GRIK1: variants seen among roughly 807,000 people sequenced by gnomAD.
GRIK1 encodes glutamate receptor ionotropic, kainate 1.
Under a neutral mutation model 105.7 loss-of-function variants are expected in GRIK1, and 69 were observed. The ratio of observed to expected loss-of-function variants is 0.65; its 90% CI spans 0.54 to 0.80. GRIK1 has a LOEUF of 0.80. Among genes scored for constraint, GRIK1 ranks in the 30% least tolerant of loss-of-function variants. The pLI, the probability that GRIK1 is intolerant of heterozygous loss-of-function variation, is 0.00. For synonymous variants in GRIK1, 438 were observed against 431.3 expected (o/e 1.02, Z -0.19); for missense variants, 1,109 against 1,167.3 (o/e 0.95, Z 0.73).
At chr21:29,782,712 T>G (rs1003935280) in intron 1 of GRIK1, among the ~76,000 whole-genome samples, 1 of 152,226 alleles carries the variant, frequency 6.6e-6, no homozygotes, top group Non-Finnish European at 1.5e-5. Flanking sequence ...TTGAAACTAG[T>G]TTTTCCTAAC....
chr21:29,870,335 A>G (rs753637032), intron 1 of GRIK1, among the ~76,000 whole-genome samples: 12 of 152,136 alleles, frequency 7.9e-5, no homozygotes, highest in Non-Finnish European at 1.3e-4. Flanking sequence ...TAGGCCCAAC[A>G]GCAGGAACAA....
intron 1 of GRIK1, among the ~76,000 whole-genome samples, chr21:29,702,894 T>C (rs2063839214): frequency 6.6e-6 from 1 of 152,052 alleles, no homozygotes; most frequent in Admixed American, 6.6e-5. Context: ...TGGGGATCTG[T>C]GAGAGAGTAA....
intron 1 of GRIK1, among the ~76,000 whole-genome samples, chr21:29,905,756 A>T (rs931035535): frequency 1.4e-5 from 2 of 144,358 alleles, no homozygotes; most frequent in Non-Finnish European, 3.0e-5. Context: ...CCTCCGAAGT[A>T]GCTGGGACTA....
intron 1 of GRIK1, among the ~76,000 whole-genome samples, chr21:29,794,472 T>G (rs1325137270): frequency 1.3e-5 from 2 of 152,204 alleles, no homozygotes; most frequent in East Asian, 3.8e-4. Flanking sequence ...TACTTTGGGT[T>G]TACAGTCAGC....
chr21:29,780,740 C>G (rs1184217178), intron 1 of GRIK1, among the ~76,000 whole-genome samples: 1 of 152,190 alleles, frequency 6.6e-6, no homozygotes, highest in Non-Finnish European at 1.5e-5. Context: ...GCAGAAGAAG[C>G]ACCTTATGGA....
chr21:29,868,399 C>T (rs903993246), intron 1 of GRIK1, among the ~76,000 whole-genome samples: 3 of 152,096 alleles, frequency 2.0e-5, no homozygotes. Context: ...TCTTTTCAGG[C>T]CCCATTTTGA....
intron 14 of GRIK1, among the ~76,000 whole-genome samples, chr21:29,563,345 G>C (rs139289893): frequency 8.5e-5 from 13 of 152,162 alleles, no homozygotes; most frequent in Admixed American, 8.5e-4. Context: ...ATGAGTTAGG[G>C]GAGGACAGAT....
chr21:29,849,541 A>G (rs1425489563), intron 1 of GRIK1, among the ~76,000 whole-genome samples: 1 of 152,196 alleles, frequency 6.6e-6, no homozygotes, highest in Non-Finnish European at 1.5e-5. Flanking sequence ...GTTCTTATGT[A>G]CTACTTCATT....
chr21:29,579,995 A>G (rs202013408), intron 13 of GRIK1, among the ~76,000 whole-genome samples: 314 of 117,512 alleles, frequency 2.7e-3, no homozygotes, highest in Admixed American at 3.8e-3. Context: ...GTGTATATAT[A>G]TGTATATATA....
At chr21:29,784,886 GTCTGATGTTA>G (rs2066217804) in intron 1 of GRIK1, among the ~76,000 whole-genome samples, 1 of 152,218 alleles carries the variant, frequency 6.6e-6, no homozygotes, top group Admixed American at 6.5e-5. Context: ...TGCCCAAGCT[GTCTGATGTTA>G]TCTCAAGGGG....
intron 1 of GRIK1, among the ~76,000 whole-genome samples, chr21:29,705,873 CTTTT>C (rs1325677911): frequency 3.7e-5 from 5 of 135,724 alleles, no homozygotes; most frequent in Non-Finnish European, 1.6e-5. Flanking sequence ...CTTTTCTTTT[CTTTT>C]TTTTTTTTTT....
chr21:29,832,603 G>A (rs2067674445), intron 1 of GRIK1, among the ~76,000 whole-genome samples: 1 of 152,150 alleles, frequency 6.6e-6, no homozygotes, highest in Non-Finnish European at 1.5e-5. Flanking sequence ...AGGTGTATCT[G>A]GGGTCCTTTT....
At chr21:29,751,303 G>T (rs997384208) in intron 1 of GRIK1, among the ~76,000 whole-genome samples, 2 of 152,086 alleles carry the variant, frequency 1.3e-5, no homozygotes, top group African/African-American at 2.4e-5. Flanking sequence ...AGATAGATAG[G>T]TTTTAAATAA....
In GRIK1 at chr21:29,620,794, T is replaced by TAGATAG. The variant is rs1491285802; in HGVS notation, c.1099-21858_1099-21857insCTATCT. Among the ~76,000 whole-genome samples, 152 of 106,318 alleles carry TAGATAG rather than the reference T, an allele frequency of 1.4e-3. 3 individuals carry two copies. Among genetic ancestry groups the TAGATAG allele is most frequent in the African/African-American group, 8.1e-3 (143 of 17,702 alleles). The allele number at this position is 106,318 out of a possible 152,430, so 69.7% of individuals were successfully genotyped here. ...TCATATATATATAGATATATATATCTATATATATATAGATATATATATATA... is the reference window on the plus strand; with the variant it reads ...TCATATATATATAGATATATATATCTAGATAGATATATATATAGATATATATATATA... On this transcript the variant is annotated intron_variant, in intron 7 of 17. Transcript: ENST00000327783.
intron 7 of GRIK1, among the ~76,000 whole-genome samples, chr21:29,642,558 CAG>C (rs2062532892): frequency 6.6e-6 from 1 of 152,208 alleles, no homozygotes; most frequent in African/African-American, 2.4e-5. Context: ...TGTGGAGAGC[CAG>C]CAGGAGCTAT....
chr21:29,844,169 A>C (rs2068053337), intron 1 of GRIK1, among the ~76,000 whole-genome samples: 1 of 152,088 alleles, frequency 6.6e-6, no homozygotes, highest in African/African-American at 2.4e-5. Context: ...CCTTTGGCTT[A>C]ATTTTATTTT....
At chr21:29,582,210 T>C in intron 12 of GRIK1, 2 of 384,520 alleles carry the variant, frequency 5.2e-6, no homozygotes, top group South Asian at 4.3e-5. Context: ...ATTATACTGG[T>C]CCAGGCCTAG....
At chr21:29,841,784 C>A (rs2067990398) in intron 1 of GRIK1, among the ~76,000 whole-genome samples, 1 of 152,142 alleles carries the variant, frequency 6.6e-6, no homozygotes, top group Non-Finnish European at 1.5e-5. Flanking sequence ...ATTTCCTCTA[C>A]AACTGCTTTC....
rs529387273 is a variant in GRIK1 at position 29,879,471 on chromosome 21, G to A, written c.118+59912C>T. The stretch of plus-strand genomic sequence containing the variant: ...ACGAGATACATGGAAGAAACTACTA[G>A]ATAGCTAGGTATGCATTTAAATGTA... On this transcript the variant is annotated intron_variant, in intron 1 of 17. Coordinates refer to ENST00000327783, the MANE Select transcript of GRIK1 (RefSeq NM_001330994.2). 2.6e-5 allele frequency among the ~76,000 whole-genome samples: 4 copies of A among 152,144 alleles called. No homozygotes were observed. The South Asian group carries it at 8.3e-4, about 31-fold the overall frequency.
Sources: gnomAD v4.1 joint callset for allele counts (sites outside exome capture counted in the v4.1 genomes callset) on GRCh38, gnomAD v4.1.1 for gene constraint, MANE v1.5 for transcripts, NCBI Gene and HGNC (gene_info 2026-07-23, HGNC 2026-07-21) for gene names.